PLAGL1: variants seen among roughly 807,000 people sequenced by gnomAD.
PLAGL1 encodes zinc finger protein PLAGL1.
In PLAGL1, 1 loss-of-function variant was observed where a neutral mutation model predicts 4.6. That is an observed-to-expected ratio of 0.22 (90% confidence interval 0.08 to 1.03). The LOEUF is 1.03. PLAGL1 is among the 50% of genes least tolerant of loss of function. The pLI, the probability that PLAGL1 is intolerant of heterozygous loss-of-function variation, is 0.58. For missense variants in PLAGL1, 464 were observed against 570.4 expected, an observed-to-expected ratio of 0.81 and a Z score of 1.90; for synonymous variants, 240 against 237.8, an observed-to-expected ratio of 1.01 and a Z score of -0.08.
At position 143,994,964 on chromosome 6, in the gene PLAGL1, T is replaced by C. The variant is rs1239662775; in HGVS notation, c.-583-9790A>G. ...CAGTGATGCCTCTATCTTGTCATCA[T>C]CTAATGGGAACAATTAAGAGACAAT... On this transcript the variant is annotated intron_variant, in intron 1 of 7. Coordinates refer to ENST00000674357, the MANE Select transcript of PLAGL1 (RefSeq NM_001317162.2). This position sits in a 1 kb window ranked among gnomAD's most constrained non-coding sequence, Gnocchi z 4.3. Among the ~76,000 whole-genome samples the C allele has an allele frequency of 6.6e-6, 1 of 152,210 alleles. No individual in the cohort carries two copies. Among genetic ancestry groups the C allele is most frequent in the Non-Finnish European group, 1.5e-5 (1 of 68,040 alleles).
Position 144,059,205 on chromosome 6 carries a change from C to T in PLAGL1, c.-151+5263G>A, listed in dbSNP as rs1403209683. 6.6e-6 allele frequency among the ~76,000 whole-genome samples: 1 copy of T among 152,240 alleles called. No homozygotes were observed. Among genetic ancestry groups the T allele is most frequent in the African/African-American group, 2.4e-5 (1 of 41,454 alleles). ...AGCTGCTAAGGCTTATGGCACCTTG[C>T]ACTCCCCAAAGCCACAGCCGGAGCT... On this transcript the variant is annotated intron_variant, in intron 1 of 3. Coordinates refer to the PLAGL1 transcript ENST00000437412. This position sits in a 1 kb window ranked among gnomAD's most constrained non-coding sequence, Gnocchi z 4.9.
Position 144,050,420 on chromosome 6 carries a change from A to C in PLAGL1, c.-151+14048T>G, listed in dbSNP as rs1289508048. Among the ~76,000 whole-genome samples the C allele has an allele frequency of 1.3e-5, 2 of 152,180 alleles. No individual in the cohort carries two copies. Among genetic ancestry groups the C allele is most frequent in the African/African-American group, 4.8e-5 (2 of 41,448 alleles). ...TCCTGCCCAAATCCCTTCTCAGAGCATTTTTATCGCTCATATGTTATTCTC... is the reference window on the plus strand; with the variant it reads ...TCCTGCCCAAATCCCTTCTCAGAGCCTTTTTATCGCTCATATGTTATTCTC... On this transcript the variant is annotated intron_variant, in intron 1 of 3. Transcript: ENST00000437412. The surrounding 1 kb of genome is among the most constrained non-coding windows in gnomAD (Gnocchi z 4.3).
chr6:143,997,493 A>T lies in PLAGL1; in HGVS notation c.-584+10597T>A, dbSNP rs1046326306. On this transcript the variant is annotated intron_variant, in intron 1 of 7. Coordinates refer to ENST00000674357, the MANE Select transcript of PLAGL1 (RefSeq NM_001317162.2). This position sits in a 1 kb window ranked among gnomAD's most constrained non-coding sequence, Gnocchi z 4.6. The stretch of plus-strand genomic sequence containing the variant: ...GCATCAACACAGATGACTCTAAAAA[A>T]TTTACGCTGAATAAAAGCCAGACAC... 6.6e-6 allele frequency among the ~76,000 whole-genome samples: 1 copy of T among 152,236 alleles called. No individual in the cohort carries two copies. The highest frequency in any genetic ancestry group is 2.4e-5 in the African/African-American group (1 of 41,458).
intron 1 of PLAGL1, chr6:144,037,384 C>T (rs892141027): frequency 6.8e-6 from 1 of 147,242 alleles, no homozygotes; most frequent in African/African-American, 2.6e-5. Context: ...TCCAGACCAG[C>T]CTGGACAACA....
At chr6:144,032,281 TG>T (rs1796891158) in intron 1 of PLAGL1, among the ~76,000 whole-genome samples, 1 of 141,702 alleles carries the variant, frequency 7.1e-6, no homozygotes, top group African/African-American at 2.5e-5. Context: ...CCACCACACC[TG>T]GCTTTTTTTT....
At chr6:144,010,313 CAAAT>C (rs1352091424), upstream of PLAGL1, among the ~76,000 whole-genome samples, 1 of 152,084 alleles carries the variant, frequency 6.6e-6, no homozygotes, top group African/African-American at 2.4e-5. The surrounding 1 kb of genome is among the most constrained non-coding windows in gnomAD (Gnocchi z 4.1). Context: ...CAATAGTAGA[CAAAT>C]AAGAGAGCCA....
In PLAGL1 at chr6:144,013,674, T is replaced by C. The variant is rs946070303; in HGVS notation, c.-150-44696A>G. Among the ~76,000 whole-genome samples, 4 of 152,258 alleles carry C rather than the reference T, an allele frequency of 2.6e-5. No homozygotes were observed. Among genetic ancestry groups the C allele is most frequent in the Non-Finnish European group, 4.4e-5 (3 of 68,038 alleles). On this transcript the variant is annotated intron_variant, in intron 1 of 3. Transcript: ENST00000437412. This position sits in a 1 kb window ranked among gnomAD's most constrained non-coding sequence, Gnocchi z 4.4. ...TGACCACTGCCATTCCCTGGCTTCC[T>C]CGGCTTCCTTGGCTTGCGGCCACAG...
chr6:144,052,797 A>G (rs778024357), intron 1 of PLAGL1, among the ~76,000 whole-genome samples: 4 of 152,152 alleles, frequency 2.6e-5, no homozygotes, highest in Non-Finnish European at 4.4e-5. Context: ...TCCTTTTCCA[A>G]CAACTAGTTC....
chr6:144,062,735 C>CA (rs1263424079), intron 1 of PLAGL1, among the ~76,000 whole-genome samples: 3 of 151,926 alleles, frequency 2.0e-5, no homozygotes, highest in African/African-American at 4.8e-5. Flanking sequence ...AGGGCTAGGG[C>CA]AAAAAAACAG....
At position 144,000,005 on chromosome 6, in the gene PLAGL1, T is replaced by C. The variant is rs551067280; in HGVS notation, c.-584+8085A>G. 2.6e-5 allele frequency among the ~76,000 whole-genome samples: 4 copies of C among 152,278 alleles called. No homozygotes were observed. The highest frequency in any genetic ancestry group is 3.9e-4 in the East Asian group (2 of 5,194). On this transcript the variant is annotated intron_variant, in intron 1 of 7. Transcript: ENST00000674357. This position sits in a 1 kb window ranked among gnomAD's most constrained non-coding sequence, Gnocchi z 4.1. ...AGTAACTGCCCAAGATTATACTACA[T>C]GGCAGCAGAGGAGCAGAACTAGGAA...
chr6:143,976,951 T>C (rs568795270), intron 2 of PLAGL1, among the ~76,000 whole-genome samples: 3 of 152,330 alleles, frequency 2.0e-5, no homozygotes, highest in African/African-American at 7.2e-5. Flanking sequence ...CTTGAAAATA[T>C]GGTTTCATTT....
Position 143,979,204 on chromosome 6 carries a change from A to G in PLAGL1, c.-544+5931T>C, listed in dbSNP as rs1279708166. ...GTGCATTTTTTTGTAGGCAGCATAT[A>G]GTTAGTTCTCAAAGCGTTTTGTATG... On this transcript the variant is annotated intron_variant, in intron 2 of 7. Coordinates refer to ENST00000674357, the MANE Select transcript of PLAGL1 (RefSeq NM_001317162.2). The surrounding 1 kb of genome is among the most constrained non-coding windows in gnomAD (Gnocchi z 4.6). Among the ~76,000 whole-genome samples, 1 of 152,140 alleles carries G rather than the reference A, an allele frequency of 6.6e-6. No homozygotes were observed. Among genetic ancestry groups the G allele is most frequent in the Non-Finnish European group, 1.5e-5 (1 of 67,998 alleles).
chr6:143,985,676 TA>T lies in PLAGL1; in HGVS notation c.-583-503del, dbSNP rs1788858208. Among the ~76,000 whole-genome samples the T allele has an allele frequency of 1.3e-5, 2 of 152,110 alleles. No homozygotes were observed. Among genetic ancestry groups the T allele is most frequent in the Admixed American group, 6.5e-5 (1 of 15,270 alleles). On this transcript the variant is annotated intron_variant, in intron 1 of 7. Transcript: ENST00000674357. The surrounding 1 kb of genome is among the most constrained non-coding windows in gnomAD (Gnocchi z 4.4). The stretch of plus-strand genomic sequence containing the variant: ...ATGTCAAATCTTGAATGAATACTTT[TA>T]GTTTTCTGCATTAAAGGTTTAGTTT...
At position 143,997,869 on chromosome 6, in the gene PLAGL1, T is replaced by C. The variant is rs768115873; in HGVS notation, c.-584+10221A>G. Among the ~76,000 whole-genome samples the C allele has an allele frequency of 6.6e-6, 1 of 152,196 alleles. No individual in the cohort carries two copies. Among genetic ancestry groups the C allele is most frequent in the Non-Finnish European group, 1.5e-5 (1 of 68,046 alleles). On this transcript the variant is annotated intron_variant, in intron 1 of 7. Transcript: ENST00000674357. This position sits in a 1 kb window ranked among gnomAD's most constrained non-coding sequence, Gnocchi z 4.6. The stretch of plus-strand genomic sequence containing the variant: ...TTACACAGGTGTGCGTATGTGTGTG[T>C]GTGTATAAACTCATCAAGCTATATA...
chr6:144,063,743 C>T lies in PLAGL1; in HGVS notation c.-151+725G>A, dbSNP rs1799614357. ...TCTCTGTCCTCGACACAGCAGGGGCCCTACAAACCCAACACGGCTGTGCAC... is the reference window on the plus strand; with the variant it reads ...TCTCTGTCCTCGACACAGCAGGGGCTCTACAAACCCAACACGGCTGTGCAC... On this transcript the variant is annotated intron_variant, in intron 1 of 3. Coordinates refer to the PLAGL1 transcript ENST00000437412. The surrounding 1 kb of genome is among the most constrained non-coding windows in gnomAD (Gnocchi z 5.7). Among the ~76,000 whole-genome samples the T allele has an allele frequency of 6.6e-6, 1 of 152,184 alleles. No homozygotes were observed. The highest frequency in any genetic ancestry group is 2.1e-4 in the South Asian group (1 of 4,824).
In PLAGL1 at chr6:144,000,107, T is replaced by C. The variant is rs1384682141; in HGVS notation, c.-584+7983A>G. On this transcript the variant is annotated intron_variant, in intron 1 of 7. Transcript: ENST00000674357. The surrounding 1 kb of genome is among the most constrained non-coding windows in gnomAD (Gnocchi z 4.1). Reference sequence around the variant, plus strand: ...TAATAAAATCCAATACAATTCATGATATAAAACTCTTAGAGAACTAGAAGA... The same window carrying C: ...TAATAAAATCCAATACAATTCATGACATAAAACTCTTAGAGAACTAGAAGA... Among the ~76,000 whole-genome samples, 2 of 152,176 alleles carry C rather than the reference T, an allele frequency of 1.3e-5. No homozygotes were observed. The highest frequency in any genetic ancestry group is 2.1e-4 in the South Asian group (1 of 4,832).
rs567533970 is a variant in PLAGL1 at position 143,949,498 on chromosome 6, C to A, written c.-324-1038G>T. Among the ~76,000 whole-genome samples, 7 of 152,306 alleles carry A rather than the reference C, an allele frequency of 4.6e-5. No homozygotes were observed. The South Asian group carries it at 1.0e-3, about 23-fold the overall frequency. ...ACTCTCAGGACCTGGACCAACCCCCCACATTTCATCCCTGGACTCTGACAG... is the reference window on the plus strand; with the variant it reads ...ACTCTCAGGACCTGGACCAACCCCCAACATTTCATCCCTGGACTCTGACAG... On this transcript the variant is annotated intron_variant, in intron 6 of 7. Transcript: ENST00000674357. This position sits in a 1 kb window ranked among gnomAD's most constrained non-coding sequence, Gnocchi z 5.3.
chr6:143,940,855 T>TA lies in PLAGL1; in HGVS notation c.*568dup, dbSNP rs376801986. ...TCAAACTACATTTAAAATGCTTCTG[T>TA]AAAATGGAGAACTCTATTGCTCCAC... On this transcript the variant is annotated 3_prime_UTR_variant, in exon 8 of 8. Coordinates refer to ENST00000674357, the MANE Select transcript of PLAGL1 (RefSeq NM_001317162.2). 6.6e-5 allele frequency: 10 copies of TA among 152,588 alleles called. No homozygotes were observed. Among genetic ancestry groups the TA allele is most frequent in the African/African-American group, 2.4e-4 (10 of 41,430 alleles). The allele number at this position is 152,588 out of a possible 1,614,324, so 9.5% of individuals were successfully genotyped here. A position where few individuals can be genotyped will look rare whatever the true frequency, so the allele number is the denominator to read the frequency against.
At position 143,940,472 on chromosome 6, in the gene PLAGL1, A is replaced by G. The variant is rs1335449805; in HGVS notation, c.*952T>C. The G allele has an allele frequency of 6.6e-6, 1 of 152,272 alleles. No homozygotes were observed. The highest frequency in any genetic ancestry group is 1.5e-5 in the Non-Finnish European group (1 of 68,052). 9.4% of individuals were successfully genotyped at this position (152,272 alleles called of 1,614,324 possible). ...CATTGTAAAACGTAATCTTCTTTTA[A>G]TAAAAGCTAATAATGACTGATGAAT... On this transcript the variant is annotated 3_prime_UTR_variant, in exon 8 of 8. Coordinates refer to ENST00000674357, the MANE Select transcript of PLAGL1 (RefSeq NM_001317162.2).
Sources: gnomAD v4.1 joint callset for allele counts (sites outside exome capture counted in the v4.1 genomes callset) on GRCh38, gnomAD v4.1.1 for gene constraint, Gnocchi (gnomAD v3.1) non-coding constraint, MANE v1.5 for transcripts, NCBI Gene and HGNC (gene_info 2026-07-23, HGNC 2026-07-21) for gene names.